The following TTLL5 variants were observed in gnomAD, a reference collection of about 807,000 sequenced individuals.
TTLL5 encodes tubulin tyrosine ligase like 5, also known as tubulin polyglutamylase TTLL5.
A neutral mutation model predicts 168.4 loss-of-function variants in TTLL5; 132 were observed. The observed-to-expected ratio is 0.78, with a 90% CI of 0.68 to 0.91. The LOEUF (loss-of-function observed/expected upper bound fraction) is 0.91. Among genes scored for constraint, TTLL5 ranks in the 40% least tolerant of loss-of-function variants. The pLI is 0.00. For missense variants in TTLL5, 1,545 were observed against 1,581.5 expected (o/e 0.98, Z 0.39); for synonymous variants, 546 against 558.6 (o/e 0.98, Z 0.32).
chr14:75,869,017 T>TGA (rs763442932), intron 29 of TTLL5, among the ~76,000 whole-genome samples: 110 of 91,960 alleles, frequency 1.2e-3, no homozygotes, highest in African/African-American at 4.8e-3. Flanking sequence ...GGGAGGAGTG[T>TGA]GTGTGTGTGT....
intron 18 of TTLL5, among the ~76,000 whole-genome samples, chr14:75,756,709 T>C (rs1004559186): frequency 6.6e-6 from 1 of 152,068 alleles, no homozygotes; most frequent in African/African-American, 2.4e-5. Flanking sequence ...GGTTTCGCCA[T>C]GTTGGCCAAG....
At chr14:75,878,522 A>C (rs2031625724) in intron 29 of TTLL5, among the ~76,000 whole-genome samples, 1 of 152,218 alleles carries the variant, frequency 6.6e-6, no homozygotes, top group African/African-American at 2.4e-5. Context: ...CTGCACCCAG[A>C]AACTTCTGTT....
At chr14:75,779,051 T>C (rs1891892658) in intron 23 of TTLL5, among the ~76,000 whole-genome samples, 1 of 152,250 alleles carries the variant, frequency 6.6e-6, no homozygotes, top group African/African-American at 2.4e-5. Context: ...TTTCAGACTC[T>C]GTGGGCTACA....
intron 29 of TTLL5, among the ~76,000 whole-genome samples, chr14:75,878,444 C>T (rs1003921950): frequency 4.6e-5 from 7 of 152,106 alleles, no homozygotes; most frequent in Admixed American, 4.6e-4. Flanking sequence ...GGAAGAAGAA[C>T]AGGGAACATG....
At chr14:75,884,582 G>A (rs1012102606) in intron 30 of TTLL5, among the ~76,000 whole-genome samples, 3 of 152,198 alleles carry the variant, frequency 2.0e-5, no homozygotes, top group Non-Finnish European at 2.9e-5. Flanking sequence ...GGGAAAAAGC[G>A]GAGATTTCTT....
At chr14:75,867,620 C>T (rs774373796) in intron 29 of TTLL5, among the ~76,000 whole-genome samples, 4 of 151,968 alleles carry the variant, frequency 2.6e-5, no homozygotes, top group African/African-American at 4.8e-5. Flanking sequence ...ATTAGCCGGG[C>T]GTGGTGGCGC....
rs1490866865 is a variant in TTLL5 at position 75,779,566 on chromosome 14, T to G, written c.2388-9T>G. 6.2e-7 allele frequency: 1 copy of G among 1,612,090 alleles called. No individual in the cohort carries two copies. Among genetic ancestry groups the G allele is most frequent in the Non-Finnish European group, 8.5e-7 (1 of 1,179,484 alleles). On this transcript the variant is annotated splice_polypyrimidine_tract_variant and intron_variant, in intron 23 of 31. Transcript: ENST00000298832. The stretch of plus-strand genomic sequence containing the variant: ...TCCTGTCTGACCATACTTTTTCTCC[T>G]CATTTCAGTGAGGCTGAACTGGAGG...
chr14:75,878,469 GTGCACCAGCCGAGTC>G (rs1363052225), intron 29 of TTLL5, among the ~76,000 whole-genome samples: 7 of 152,190 alleles, frequency 4.6e-5, no homozygotes, highest in Non-Finnish European at 8.8e-5. Flanking sequence ...GGCATAAGGT[GTGCACCAGCCGAGTC>G]TGCCCATTTA....
intron 28 of TTLL5, among the ~76,000 whole-genome samples, chr14:75,848,867 C>G (rs1357532129): frequency 6.6e-6 from 1 of 152,096 alleles, no homozygotes; most frequent in Non-Finnish European, 1.5e-5. Context: ...GCTTTTTGTT[C>G]CATAAAGCTT....
At chr14:75,822,546 C>G (rs1407763809) in intron 28 of TTLL5, among the ~76,000 whole-genome samples, 1 of 152,160 alleles carries the variant, frequency 6.6e-6, no homozygotes, top group Non-Finnish European at 1.5e-5. Context: ...TAAAGAGAAT[C>G]CCATTGCTAG....
chr14:75,937,313 A>G (rs2034465726), intron 31 of TTLL5, among the ~76,000 whole-genome samples: 1 of 149,822 alleles, frequency 6.7e-6, no homozygotes, highest in South Asian at 2.1e-4. Context: ...TTTTTAGTAG[A>G]GACGGGGTTT....
intron 3 of TTLL5, among the ~76,000 whole-genome samples, chr14:75,673,927 A>G (rs1883944435): frequency 6.6e-6 from 1 of 152,164 alleles, no homozygotes; most frequent in Non-Finnish European, 1.5e-5. Context: ...ACTCCCTCTA[A>G]ATATGATTTG....
chr14:75,788,134 T>A (rs1892484068), intron 26 of TTLL5, among the ~76,000 whole-genome samples: 1 of 151,610 alleles, frequency 6.6e-6, no homozygotes, highest in South Asian at 2.1e-4. Flanking sequence ...AATAAATAAA[T>A]AAATAAGTAA....
rs1948114510 is a variant in TTLL5, at chr14:75,674,433, A to G, written c.181+4911A>G. On this transcript the variant is annotated intron_variant, in intron 3 of 31. Coordinates refer to ENST00000298832, the MANE Select transcript of TTLL5 (RefSeq NM_015072.5). Reference sequence around the variant, plus strand: ...CCCTGAGAAGTGTATCTGGGGCAATAGTTACCTTCTGTTGATCTCATCGTG... The same window carrying G: ...CCCTGAGAAGTGTATCTGGGGCAATGGTTACCTTCTGTTGATCTCATCGTG... Among the ~76,000 whole-genome samples the G allele has an allele frequency of 2.0e-5, 3 of 152,166 alleles. No individual in the cohort carries two copies. In the South Asian group the frequency reaches 6.2e-4, roughly 32 times the overall value.
At chr14:75,922,652 C>T (rs887847446) in intron 31 of TTLL5, among the ~76,000 whole-genome samples, 3 of 152,116 alleles carry the variant, frequency 2.0e-5, no homozygotes, top group Non-Finnish European at 2.9e-5. Flanking sequence ...TGAGGATTTT[C>T]GCATAGATGT....
intron 6 of TTLL5, among the ~76,000 whole-genome samples, chr14:75,694,398 G>C (rs1472518357): frequency 6.6e-6 from 1 of 152,120 alleles, no homozygotes; most frequent in Non-Finnish European, 1.5e-5. Flanking sequence ...GTGCAATGGT[G>C]TGATCTCGGC....
At chr14:75,904,209 A>G (rs2033050626) in intron 31 of TTLL5, 1 of 1,204,896 alleles carries the variant, frequency 8.3e-7, no homozygotes, top group African/African-American at 1.6e-5. Flanking sequence ...CTCCAAAAAA[A>G]AAAAAAAGGA....
chr14:75,730,454 A>G (rs778703975), intron 12 of TTLL5, among the ~76,000 whole-genome samples: 1 of 152,210 alleles, frequency 6.6e-6, no homozygotes, highest in African/African-American at 2.4e-5. Context: ...TCCCATCTCA[A>G]ACTCTTGTAT....
chr14:75,947,408 A>G (rs564274435), intron 31 of TTLL5, among the ~76,000 whole-genome samples: 1 of 152,360 alleles, frequency 6.6e-6, no homozygotes, highest in African/African-American at 2.4e-5. Context: ...AAAGAGGGTC[A>G]CTACATTATG....
Sources: allele counts gnomAD v4.1 joint callset (sites outside exome capture counted in the v4.1 genomes callset), GRCh38; gene constraint gnomAD v4.1.1; transcripts MANE v1.5; gene names NCBI Gene and HGNC (gene_info 2026-07-23, HGNC 2026-07-21).